The following SARNP variants were observed in gnomAD, a reference collection of about 807,000 sequenced individuals.
The protein encoded by SARNP is SAP domain containing ribonucleoprotein.
A neutral mutation model predicts 38.1 loss-of-function variants in SARNP; 5 were observed. That is an observed-to-expected ratio of 0.13 (90% CI 0.07 to 0.28). SARNP has a LOEUF of 0.28. Among genes scored for constraint, SARNP ranks in the 10% least tolerant of loss-of-function variants. The probability of loss-of-function intolerance (pLI) is 1.00; values close to 1 mark genes in which losing one functional copy is unlikely to be tolerated. For missense variants in SARNP, 180 were observed against 243.9 expected (o/e 0.74, Z 1.75); for synonymous variants, 84 against 80.6 (o/e 1.04, Z -0.23).
intron 1 of SARNP, among the ~76,000 whole-genome samples, chr12:55,809,774 T>C (rs182936388): frequency 2.0e-5 from 3 of 151,140 alleles, no homozygotes; most frequent in Admixed American, 6.6e-5. Flanking sequence ...AAAAGAGTTA[T>C]AGAACATTCT....
chr12:55,777,370 C>CT (rs111979451), intron 9 of SARNP, among the ~76,000 whole-genome samples: 21 of 147,994 alleles, frequency 1.4e-4, no homozygotes, highest in East Asian at 1.2e-3. Flanking sequence ...AAAACTTTTC[C>CT]TTTTTTTTTT....
downstream of SARNP, chr12:55,753,966 A>G (rs968042146): frequency 6.6e-6 from 1 of 152,092 alleles, no homozygotes; most frequent in Non-Finnish European, 1.5e-5. Context: ...TCTAAAAATA[A>G]TTAAAGTAAA....
chr12:55,763,308 CT>C (rs34618547), intron 9 of SARNP, among the ~76,000 whole-genome samples: 22,547 of 145,892 alleles, frequency 0.15, 2,128 homozygotes, highest in Non-Finnish European at 0.22. Context: ...TCATTTACTA[CT>C]TTTTTTTTTT....
chr12:55,760,865 T>G (rs1592553178), intron 9 of SARNP: 1 of 468,298 alleles, frequency 2.1e-6, no homozygotes, highest in East Asian at 3.2e-5. Flanking sequence ...TCAATACTCA[T>G]AAGACAAGTA....
chr12:55,789,775 C>T (rs781347367), intron 8 of SARNP, among the ~76,000 whole-genome samples: 5 of 151,922 alleles, frequency 3.3e-5, no homozygotes, highest in African/African-American at 4.8e-5. Flanking sequence ...GAAACCCCGT[C>T]TCTACTAAAA....
Position 55,757,434 on chromosome 12 carries a change from C to T in SARNP, c.*78G>A. 1 of 1,270,180 alleles carries T rather than the reference C, an allele frequency of 7.9e-7. No individual in the cohort carries two copies. Among genetic ancestry groups the T allele is most frequent in the Non-Finnish European group, 1.1e-6 (1 of 898,750 alleles). 78.7% of individuals were successfully genotyped at this position (1,270,180 alleles called of 1,614,324 possible). ...GGCAGGACGTAGGCACATGACTGTG[C>T]ATTTAGGCATATATGTGACCAAGAA... On this transcript the variant is annotated 3_prime_UTR_variant, in exon 11 of 11. Transcript: ENST00000336133.
At chr12:55,811,869 C>T (rs1029576679) in intron 1 of SARNP, among the ~76,000 whole-genome samples, 2 of 152,184 alleles carry the variant, frequency 1.3e-5, no homozygotes, top group Non-Finnish European at 2.9e-5. Context: ...TAAAATATAT[C>T]CAAAATCAAA....
intron 9 of SARNP, among the ~76,000 whole-genome samples, chr12:55,761,146 A>G (rs149113491): frequency 1.3e-5 from 2 of 152,112 alleles, no homozygotes; most frequent in African/African-American, 4.8e-5. Flanking sequence ...ACTGCACTCC[A>G]GCCTGGGTGA....
At chr12:55,810,486 CT>C (rs1880294174) in intron 1 of SARNP, among the ~76,000 whole-genome samples, 1 of 147,386 alleles carries the variant, frequency 6.8e-6, no homozygotes, top group African/African-American at 2.5e-5. Context: ...CAGTTTCACT[CT>C]TGTCACTCAG....
chr12:55,816,359 A>G (rs916671277), intron 1 of SARNP, among the ~76,000 whole-genome samples: 1 of 152,062 alleles, frequency 6.6e-6, no homozygotes, highest in African/African-American at 2.4e-5. Context: ...TGATTGCTCA[A>G]TTTTTTTTAA....
At chr12:55,796,385 C>A (rs974585272) in intron 4 of SARNP, among the ~76,000 whole-genome samples, 1 of 152,092 alleles carries the variant, frequency 6.6e-6, no homozygotes, top group Non-Finnish European at 1.5e-5. Context: ...ATCTCATTTG[C>A]TTTTAGGAAC....
intron 9 of SARNP, among the ~76,000 whole-genome samples, chr12:55,786,249 G>A (rs1273841217): frequency 6.6e-6 from 1 of 152,196 alleles, no homozygotes; most frequent in East Asian, 1.9e-4. Context: ...TGTAGTAAGA[G>A]ATATGGTGTT....
chr12:55,777,422 T>G (rs1420463795), intron 9 of SARNP, among the ~76,000 whole-genome samples: 1 of 151,900 alleles, frequency 6.6e-6, no homozygotes, highest in African/African-American at 2.4e-5. Context: ...TCGCCCAGGC[T>G]GGAGTGCAGT....
At position 55,791,822 on chromosome 12, in the gene SARNP, C is replaced by CA. The variant is rs543870872; in HGVS notation, c.407-1231dup. 1.2e-4 allele frequency among the ~76,000 whole-genome samples: 18 copies of CA among 152,180 alleles called. No individual in the cohort carries two copies. In the South Asian group the frequency reaches 3.5e-3, roughly 30 times the overall value. On this transcript the variant is annotated intron_variant, in intron 7 of 10. Transcript: ENST00000336133. ...ACTTCAAACTTTTCAGGATTTCATTCAAAAAAACAGTGCTTGCTTTTAAAT... is the reference window on the plus strand; with the variant it reads ...ACTTCAAACTTTTCAGGATTTCATTCAAAAAAAACAGTGCTTGCTTTTAAAT...
At chr12:55,814,995 C>T (rs990158528) in intron 1 of SARNP, among the ~76,000 whole-genome samples, 1 of 152,148 alleles carries the variant, frequency 6.6e-6, no homozygotes, top group Non-Finnish European at 1.5e-5. Context: ...AAGGTATTCC[C>T]TTCCCCTGAG....
chr12:55,760,898 C>T (rs542217107), intron 9 of SARNP: 237 of 364,582 alleles, frequency 6.5e-4, no homozygotes, highest in Non-Finnish European at 1.1e-3. Flanking sequence ...AGTAAGAGGC[C>T]GGGCACGGTG....
At chr12:55,774,574 ACAAAC>A (rs1171529753) in intron 9 of SARNP, among the ~76,000 whole-genome samples, 1,692 of 58,824 alleles carry the variant, frequency 0.029, 189 homozygotes, top group African/African-American at 0.11. Context: ...AAAAAAAAAA[ACAAAC>A]AAAAAAAAAA....
chr12:55,787,087 C>A (rs1879518998), intron 9 of SARNP, among the ~76,000 whole-genome samples: 2 of 151,662 alleles, frequency 1.3e-5, no homozygotes, highest in South Asian at 4.2e-4. Flanking sequence ...CAAAAACTGG[C>A]CAGGCATGGT....
chr12:55,810,101 T>C (rs747042268), intron 1 of SARNP, among the ~76,000 whole-genome samples: 10 of 152,172 alleles, frequency 6.6e-5, no homozygotes, highest in Non-Finnish European at 1.3e-4. Context: ...AATCATGCAT[T>C]GCCCTGTGAT....
Sources: gnomAD v4.1 joint callset for allele counts (sites outside exome capture counted in the v4.1 genomes callset) on GRCh38, gnomAD v4.1.1 for gene constraint, MANE v1.5 for transcripts, NCBI Gene and HGNC (gene_info 2026-07-23, HGNC 2026-07-21) for gene names.